The following NEMP2 variants were observed in gnomAD, a reference collection of about 807,000 sequenced individuals.
The protein encoded by NEMP2 is UPF0571 transmembrane protein.
In NEMP2, 53 loss-of-function variants were observed where a neutral mutation model predicts 54.2. That is an observed-to-expected ratio of 0.98 (90% CI 0.78 to 1.23). NEMP2 has a LOEUF of 1.23. Ranked by LOEUF, NEMP2 falls within the 50% of genes most tolerant of loss-of-function variation. The pLI is 0.00. For synonymous variants in NEMP2, 197 were observed against 190.3 expected (o/e 1.04, Z -0.29); for missense variants, 455 against 511.3 (o/e 0.89, Z 1.06).
At chr2:190,646,461 T>C in the NEMP2 span, among the ~76,000 whole-genome samples, 2 of 152,218 alleles carry the variant, frequency 1.3e-5, no homozygotes, top group Non-Finnish European at 1.5e-5. Flanking sequence ...AGGCGAATGC[T>C]TCAGTTCTTT....
chr2:190,588,594 G>C, the NEMP2 span, among the ~76,000 whole-genome samples: 1 of 152,186 alleles, frequency 6.6e-6, no homozygotes. The surrounding 1 kb of genome is among the most constrained non-coding windows in gnomAD (Gnocchi z 5.0). Flanking sequence ...AGTGGGGAAA[G>C]AAAGCTAGCC....
chr2:190,520,645 T>C lies in NEMP2; in HGVS notation c.214-1462A>G, dbSNP rs1217311106. On this transcript the variant is annotated intron_variant, in intron 2 of 8. Coordinates refer to ENST00000409150, the MANE Select transcript of NEMP2 (RefSeq NM_001142645.2). This position sits in a 1 kb window ranked among gnomAD's most constrained non-coding sequence, Gnocchi z 5.4. ...TATGTACAATATACACACCAATCCT[T>C]CCAGTATCCTGACCTCTCAGTTCCT... 4.6e-5 allele frequency among the ~76,000 whole-genome samples: 7 copies of C among 152,186 alleles called. No homozygotes were observed. The highest frequency in any genetic ancestry group is 1.0e-4 in the Non-Finnish European group (7 of 68,012).
In NEMP2 at chr2:190,514,890, ACT is replaced by A. The variant is rs552499823; in HGVS notation, c.728-214_728-213del. On this transcript the variant is annotated intron_variant, in intron 6 of 8. Coordinates refer to ENST00000409150, the MANE Select transcript of NEMP2 (RefSeq NM_001142645.2). The surrounding 1 kb of genome is among the most constrained non-coding windows in gnomAD (Gnocchi z 5.7). Reference sequence around the variant, plus strand: ...ACTTTCGCAATAATTTGGGATGTACACTCATTATTATGATGATACATAAGTAT... The same window carrying A: ...ACTTTCGCAATAATTTGGGATGTACACATTATTATGATGATACATAAGTAT... Among the ~76,000 whole-genome samples, 571 of 152,192 alleles carry A rather than the reference ACT, an allele frequency of 3.8e-3. No homozygotes were observed. Among genetic ancestry groups the A allele is most frequent in the African/African-American group, 0.012 (513 of 41,514 alleles).
the NEMP2 span, chr2:190,497,792 C>T: frequency 1.4e-6 from 2 of 1,472,420 alleles, no homozygotes; most frequent in Non-Finnish European, 9.2e-7. The surrounding 1 kb of genome is among the most constrained non-coding windows in gnomAD (Gnocchi z 5.2). Context: ...GTTTTAATTA[C>T]TCACTTTTCA....
rs555034236 is a variant in NEMP2, at chr2:190,513,594, A to G, written c.953+859T>C. 1.3e-3 allele frequency among the ~76,000 whole-genome samples: 200 copies of G among 152,364 alleles called. 1 individual carries two copies. Among genetic ancestry groups the G allele is most frequent in the Non-Finnish European group, 1.9e-4 (13 of 68,036 alleles). Reference sequence around the variant, plus strand: ...GACTAGATTGCTTAGCATGGCTGCCATGCATCTGGCCCATGCCCACCTTGC... The same window carrying G: ...GACTAGATTGCTTAGCATGGCTGCCGTGCATCTGGCCCATGCCCACCTTGC... On this transcript the variant is annotated intron_variant, in intron 7 of 8. Coordinates refer to ENST00000409150, the MANE Select transcript of NEMP2 (RefSeq NM_001142645.2). This position sits in a 1 kb window ranked among gnomAD's most constrained non-coding sequence, Gnocchi z 5.3.
chr2:190,600,662 G>A, the NEMP2 span, among the ~76,000 whole-genome samples: 4 of 152,046 alleles, frequency 2.6e-5, no homozygotes, highest in Admixed American at 2.0e-4. The surrounding 1 kb of genome is among the most constrained non-coding windows in gnomAD (Gnocchi z 4.9). Flanking sequence ...CTCTTTGCAC[G>A]TGCCAGCCCC....
the NEMP2 span, among the ~76,000 whole-genome samples, chr2:190,563,694 T>C: frequency 2.6e-5 from 4 of 152,252 alleles, no homozygotes; most frequent in Non-Finnish European, 5.9e-5. The surrounding 1 kb of genome is among the most constrained non-coding windows in gnomAD (Gnocchi z 4.3). Context: ...CATTTTGAAG[T>C]GAACGGGTGC....
At chr2:190,615,336 T>A in the NEMP2 span, among the ~76,000 whole-genome samples, 21 of 152,300 alleles carry the variant, frequency 1.4e-4, no homozygotes, top group African/African-American at 4.6e-4. The surrounding 1 kb of genome is among the most constrained non-coding windows in gnomAD (Gnocchi z 4.7). Flanking sequence ...AATTGACTTA[T>A]GTTTACCAGT....
the NEMP2 span, among the ~76,000 whole-genome samples, chr2:190,546,072 T>C: frequency 1.3e-5 from 2 of 152,180 alleles, no homozygotes; most frequent in Non-Finnish European, 2.9e-5. This position sits in a 1 kb window ranked among gnomAD's most constrained non-coding sequence, Gnocchi z 5.1. Context: ...ACTGTTTCTA[T>C]AACAAAATCA....
chr2:190,497,796 C>A, the NEMP2 span: 17 of 1,457,062 alleles, frequency 1.2e-5, no homozygotes, highest in Non-Finnish European at 1.5e-5. The surrounding 1 kb of genome is among the most constrained non-coding windows in gnomAD (Gnocchi z 5.2). Context: ...TAATTACTCA[C>A]TTTTCATTCA....
Position 190,525,383 on chromosome 2 carries a change from G to A in NEMP2, c.98-5C>T. The stretch of plus-strand genomic sequence containing the variant: ...TCAAAGCTTTACACCTACGAACTGA[G>A]AGATGGAAAAGGGAATGCATTTTCT... On this transcript the variant is annotated splice_region_variant and splice_polypyrimidine_tract_variant and intron_variant, in intron 1 of 8. Coordinates refer to ENST00000409150, the MANE Select transcript of NEMP2 (RefSeq NM_001142645.2). This position sits in a 1 kb window ranked among gnomAD's most constrained non-coding sequence, Gnocchi z 5.0. 2 of 1,485,446 alleles carry A rather than the reference G, an allele frequency of 1.3e-6. No homozygotes were observed. Among genetic ancestry groups the A allele is most frequent in the South Asian group, 2.5e-5 (2 of 80,586 alleles). 92.0% of individuals were successfully genotyped at this position (1,485,446 alleles called of 1,614,324 possible).
chr2:190,602,451 C>G, the NEMP2 span, among the ~76,000 whole-genome samples: 2 of 152,110 alleles, frequency 1.3e-5, no homozygotes, highest in Non-Finnish European at 2.9e-5. Flanking sequence ...TACCCAACAT[C>G]TACTAATTTT....
chr2:190,556,186 T>G, the NEMP2 span, among the ~76,000 whole-genome samples: 1 of 152,182 alleles, frequency 6.6e-6, no homozygotes, highest in African/African-American at 2.4e-5. Flanking sequence ...CACAAATCAA[T>G]AATTGTGATC....
At chr2:190,438,015 T>C in the NEMP2 span, among the ~76,000 whole-genome samples, 2 of 152,186 alleles carry the variant, frequency 1.3e-5, no homozygotes, top group Non-Finnish European at 2.9e-5. The surrounding 1 kb of genome is among the most constrained non-coding windows in gnomAD (Gnocchi z 5.2). Context: ...ATATATGGCA[T>C]CTAAAGATGT....
At chr2:190,604,679 T>C in the NEMP2 span, among the ~76,000 whole-genome samples, 3 of 152,212 alleles carry the variant, frequency 2.0e-5, no homozygotes, top group Non-Finnish European at 4.4e-5. The surrounding 1 kb of genome is among the most constrained non-coding windows in gnomAD (Gnocchi z 4.5). Context: ...CCAAAGCTCA[T>C]GTCCACTGCA....
the NEMP2 span, among the ~76,000 whole-genome samples, chr2:190,462,890 C>T: frequency 1.2e-4 from 18 of 152,348 alleles, no homozygotes; most frequent in Non-Finnish European, 4.4e-5. This position sits in a 1 kb window ranked among gnomAD's most constrained non-coding sequence, Gnocchi z 5.7. Flanking sequence ...GTCTCCTCTC[C>T]TCTCTGGCCA....
the NEMP2 span, among the ~76,000 whole-genome samples, chr2:190,575,156 ACT>A: frequency 2.0e-4 from 30 of 150,408 alleles, no homozygotes; most frequent in African/African-American, 7.1e-4. Flanking sequence ...TGCCCAGCCG[ACT>A]CTGTTTCTTT....
chr2:190,470,852 C>G, the NEMP2 span, among the ~76,000 whole-genome samples: 1 of 151,796 alleles, frequency 6.6e-6, no homozygotes, highest in Non-Finnish European at 1.5e-5. Flanking sequence ...AGAACTTATC[C>G]TAATTGAAAG....
At chr2:190,594,718 CCA>C in the NEMP2 span, among the ~76,000 whole-genome samples, 1 of 152,144 alleles carries the variant, frequency 6.6e-6, no homozygotes, top group African/African-American at 2.4e-5. The surrounding 1 kb of genome is among the most constrained non-coding windows in gnomAD (Gnocchi z 5.6). Context: ...CAGGCGTGTG[CCA>C]GTACACCCGG....
Sources: allele counts gnomAD v4.1 joint callset (sites outside exome capture counted in the v4.1 genomes callset), GRCh38; gene constraint gnomAD v4.1.1; non-coding constraint Gnocchi (gnomAD v3.1); transcripts MANE v1.5; gene names NCBI Gene and HGNC (gene_info 2026-07-23, HGNC 2026-07-21).